ADARB2: variants seen among roughly 807,000 people sequenced by gnomAD.
ADARB2 encodes inactive double-stranded RNA-specific editase B2.
ADARB2 carries 25 observed loss-of-function variants against 62.2 expected under a neutral mutation model. The ratio of observed to expected loss-of-function variants is 0.40; its 90% CI spans 0.29 to 0.56. ADARB2 has a LOEUF of 0.56. ADARB2 is among the 20% of genes least tolerant of loss of function. The probability of loss-of-function intolerance (pLI) is 0.43; values close to 1 mark genes in which losing one functional copy is unlikely to be tolerated. For missense variants in ADARB2, 1,071 were observed against 1,077.4 expected (o/e 0.99, Z 0.08); for synonymous variants, 572 against 500.8 (o/e 1.14, Z -1.90).
intron 1 of ADARB2, among the ~76,000 whole-genome samples, chr10:1,637,361 A>T (rs1833928970): frequency 6.6e-6 from 1 of 152,198 alleles, no homozygotes; most frequent in African/African-American, 2.4e-5. Context: ...CCTTGATTAG[A>T]GCTATAATCA....
chr10:1,621,416 C>CT (rs1454653876), intron 1 of ADARB2, among the ~76,000 whole-genome samples: 3 of 144,308 alleles, frequency 2.1e-5, no homozygotes, highest in African/African-American at 8.5e-5. Context: ...CTTTTTCTTT[C>CT]TTTCTTTTTT....
At chr10:1,666,252 T>C (rs995777947) in intron 1 of ADARB2, among the ~76,000 whole-genome samples, 4 of 152,196 alleles carry the variant, frequency 2.6e-5, no homozygotes, top group Admixed American at 6.5e-5. Flanking sequence ...CTTTCTGAGA[T>C]AGCACAGCCC....
At chr10:1,205,186 G>A (rs1471624461) in intron 7 of ADARB2, among the ~76,000 whole-genome samples, 4 of 152,352 alleles carry the variant, frequency 2.6e-5, no homozygotes, top group South Asian at 4.1e-4. Context: ...GGGCTGCCTC[G>A]GCTGGCGCCA....
chr10:1,363,196 C>A lies in ADARB2; in HGVS notation c.909G>T (p.Ala303=). 1 of 1,495,274 alleles carries A rather than the reference C, an allele frequency of 6.7e-7. No individual in the cohort carries two copies. The highest frequency in any genetic ancestry group is 8.9e-7 in the Non-Finnish European group (1 of 1,126,694). 92.6% of individuals were successfully genotyped at this position (1,495,274 alleles called of 1,614,324 possible). ...VCLAEPAERR[A]RSFVMAVSVD... Reference sequence around the variant, plus strand: ...CGCTCACGGCCATCACGAAGCTCCGCGCGCGCCGCTCGGCCGGTTCTGCCA... The same window carrying A: ...CGCTCACGGCCATCACGAAGCTCCGAGCGCGCCGCTCGGCCGGTTCTGCCA... Residue 303 remains alanine, a synonymous_variant, in exon 3 of 10, where the codon GCG becomes GCT. Coordinates refer to ENST00000381312, the MANE Select transcript of ADARB2 (RefSeq NM_018702.4).
chr10:1,273,924 G>A (rs1831288779), intron 3 of ADARB2, among the ~76,000 whole-genome samples: 1 of 152,330 alleles, frequency 6.6e-6, no homozygotes, highest in South Asian at 2.1e-4. Context: ...CCCGGGGCTC[G>A]TGGGTTGCCA....
chr10:1,206,518 G>T (rs1445324531), intron 7 of ADARB2, among the ~76,000 whole-genome samples: 1 of 151,956 alleles, frequency 6.6e-6, no homozygotes, highest in Non-Finnish European at 1.5e-5. Flanking sequence ...TGGTCTGAGA[G>T]AACTGCGGGG....
chr10:1,456,091 C>T (rs1163608508), intron 1 of ADARB2, among the ~76,000 whole-genome samples: 4 of 152,142 alleles, frequency 2.6e-5, no homozygotes, highest in Non-Finnish European at 5.9e-5. Context: ...AAACTCAATA[C>T]ATCATTTCAT....
At position 1,363,947 on chromosome 10, in the gene ADARB2, C is replaced by T. The variant is rs371959649; in HGVS notation, c.188-30G>A. The stretch of plus-strand genomic sequence containing the variant: ...AGGGGAGAACAGACCAGTCAGGAGC[C>T]TGGGCGGGCGCCGGCAGGTCGATGG... On this transcript the variant is annotated intron_variant, in intron 2 of 9. Transcript: ENST00000381312. 265 of 1,423,016 alleles carry T rather than the reference C, an allele frequency of 1.9e-4. 1 individual carries two copies. Among genetic ancestry groups the T allele is most frequent in the South Asian group, 1.3e-3 (86 of 65,556 alleles). 88.1% of individuals were successfully genotyped at this position (1,423,016 alleles called of 1,614,324 possible).
intron 4 of ADARB2, among the ~76,000 whole-genome samples, chr10:1,243,988 G>A (rs1830953323): frequency 2.6e-5 from 4 of 152,216 alleles, no homozygotes; most frequent in Admixed American, 1.3e-4. Context: ...ACGACCAGCC[G>A]CCCTGAGGTT....
intron 1 of ADARB2, among the ~76,000 whole-genome samples, chr10:1,696,971 A>ATT (rs11404553): frequency 0.037 from 5,497 of 149,852 alleles, 125 homozygotes; most frequent in Non-Finnish European, 0.054. Flanking sequence ...TTATTTTGTG[A>ATT]TTTTTTTTTT....
At position 1,289,490 on chromosome 10, in the gene ADARB2, G is replaced by T. The variant is rs557523908; in HGVS notation, c.1078-18421C>A. On this transcript the variant is annotated intron_variant, in intron 3 of 9. Transcript: ENST00000381312. Reference sequence around the variant, plus strand: ...TGGAAGAGGGAGGAGGAGGCCTTCAGGGGGAGGCCTCTGCCCACGGCACCG... The same window carrying T: ...TGGAAGAGGGAGGAGGAGGCCTTCATGGGGAGGCCTCTGCCCACGGCACCG... 2.6e-3 allele frequency among the ~76,000 whole-genome samples: 393 copies of T among 152,336 alleles called. 1 individual carries two copies. Among genetic ancestry groups the T allele is most frequent in the Middle Eastern group, 6.8e-3 (2 of 294 alleles).
rs186353925 is a variant in ADARB2, at chr10:1,565,657, C to A, written c.100+171394G>T. ...TGGCCACCTAGAATAATTTACCTTA[C>A]TCTGTCGAGTGAGGGCAAGCAGCTT... On this transcript the variant is annotated intron_variant, in intron 1 of 9. Coordinates refer to ENST00000381312, the MANE Select transcript of ADARB2 (RefSeq NM_018702.4). Among the ~76,000 whole-genome samples the A allele has an allele frequency of 1.4e-4, 21 of 152,294 alleles. No individual in the cohort carries two copies. In the East Asian group the frequency reaches 3.3e-3, roughly 24 times the overall value.
At chr10:1,364,502 C>T (rs911408247) in intron 2 of ADARB2, among the ~76,000 whole-genome samples, 2 of 152,236 alleles carry the variant, frequency 1.3e-5, no homozygotes. Flanking sequence ...AGAAGGGGCA[C>T]ACCTATTCAG....
At chr10:1,613,992 G>C (rs983582411) in intron 1 of ADARB2, among the ~76,000 whole-genome samples, 4 of 152,120 alleles carry the variant, frequency 2.6e-5, no homozygotes, top group African/African-American at 4.8e-5. Flanking sequence ...GTTTGACTTG[G>C]TTAGTGTGAT....
chr10:1,548,127 C>CGAA (rs970955714), intron 1 of ADARB2, among the ~76,000 whole-genome samples: 1 of 152,128 alleles, frequency 6.6e-6, no homozygotes, highest in African/African-American at 2.4e-5. Context: ...CCTTGGACGC[C>CGAA]GAAGCTCAGG....
intron 1 of ADARB2, among the ~76,000 whole-genome samples, chr10:1,683,976 C>G (rs545520543): frequency 6.6e-6 from 1 of 152,190 alleles, no homozygotes; most frequent in Non-Finnish European, 1.5e-5. Context: ...GAAAGACCAC[C>G]GCCAAAGAGC....
chr10:1,464,175 A>G (rs995427363), intron 1 of ADARB2, among the ~76,000 whole-genome samples: 2 of 147,744 alleles, frequency 1.4e-5, no homozygotes, highest in African/African-American at 5.0e-5. Flanking sequence ...CACAGCGGGC[A>G]GTGCGCCGGA....
chr10:1,543,260 G>C (rs1355499032), intron 1 of ADARB2, among the ~76,000 whole-genome samples: 1 of 152,230 alleles, frequency 6.6e-6, no homozygotes. Flanking sequence ...GGAGGGCTGC[G>C]CCAGGTCCTT....
At chr10:1,564,205 C>T (rs1564331959) in intron 1 of ADARB2, among the ~76,000 whole-genome samples, 1 of 152,178 alleles carries the variant, frequency 6.6e-6, no homozygotes, top group Admixed American at 6.5e-5. Context: ...GGAATCGCCA[C>T]ACTGACTTCC....
Sources: gnomAD v4.1 joint callset for allele counts (sites outside exome capture counted in the v4.1 genomes callset) on GRCh38, gnomAD v4.1.1 for gene constraint, MANE v1.5 for transcripts, NCBI Gene and HGNC (gene_info 2026-07-23, HGNC 2026-07-21) for gene names.